PEBP4: variants seen among roughly 807,000 people sequenced by gnomAD.
PEBP4 encodes phosphatidylethanolamine-binding protein 4.
In PEBP4, 22 loss-of-function variants were observed where a neutral mutation model predicts 23.9. The observed-to-expected ratio is 0.92, with a 90% CI of 0.66 to 1.31. The LOEUF (loss-of-function observed/expected upper bound fraction) is 1.31, where lower values mean the gene tolerates loss of function less well. Ranked by LOEUF, PEBP4 falls within the 40% of genes most tolerant of loss-of-function variation. PEBP4 has a pLI of 0.00. For synonymous variants in PEBP4, 112 were observed against 99.3 expected (o/e 1.13, Z -0.76); for missense variants, 324 against 281.7 (o/e 1.15, Z -1.07).
chr8:22,891,275 G>C (rs1462404032), intron 3 of PEBP4, among the ~76,000 whole-genome samples: 5 of 152,242 alleles, frequency 3.3e-5, no homozygotes, highest in African/African-American at 1.2e-4. Flanking sequence ...TGGCAGTCAA[G>C]GCAAAGCCAG....
intron 1 of PEBP4, 34 bp downstream of exon 1, chr8:22,927,789 C>A: frequency 6.3e-7 from 1 of 1,590,114 alleles, no homozygotes; most frequent in Admixed American, 1.8e-5. Context: ...ACCTGTGCCC[C>A]CGACCCCAGG....
intron 6 of PEBP4, among the ~76,000 whole-genome samples, chr8:22,716,300 T>G (rs1367924672): frequency 6.6e-6 from 1 of 152,198 alleles, no homozygotes; most frequent in Non-Finnish European, 1.5e-5. Flanking sequence ...CCTGGCACTC[T>G]CACTTACTGG....
At chr8:22,754,330 C>T (rs1377498250) in intron 4 of PEBP4, among the ~76,000 whole-genome samples, 2 of 152,200 alleles carry the variant, frequency 1.3e-5, no homozygotes, top group Non-Finnish European at 2.9e-5. Context: ...GATCAGAGAC[C>T]TTGTCTCTGT....
intron 3 of PEBP4, among the ~76,000 whole-genome samples, chr8:22,831,559 G>C (rs572163225): frequency 1.3e-5 from 2 of 152,326 alleles, no homozygotes; most frequent in South Asian, 4.1e-4. Flanking sequence ...AGAGATGAGA[G>C]AGGCATGCCT....
chr8:22,841,366 A>G (rs188201455), intron 3 of PEBP4, among the ~76,000 whole-genome samples: 1 of 152,268 alleles, frequency 6.6e-6, no homozygotes, highest in East Asian at 1.9e-4. Context: ...AGGAAATTGT[A>G]TTTAGTTTTT....
chr8:22,766,755 C>T (rs1805621869), intron 4 of PEBP4, among the ~76,000 whole-genome samples: 1 of 152,320 alleles, frequency 6.6e-6, no homozygotes, highest in Non-Finnish European at 1.5e-5. Context: ...TTACTGCATG[C>T]CCTGGTGTCA....
chr8:22,838,602 C>A (rs772672843), intron 3 of PEBP4, among the ~76,000 whole-genome samples: 1 of 152,256 alleles, frequency 6.6e-6, no homozygotes, highest in Non-Finnish European at 1.5e-5. Context: ...TGGCTCCTGG[C>A]TAGGGCCGGC....
chr8:22,718,449 C>T (rs1021066649), intron 6 of PEBP4, among the ~76,000 whole-genome samples: 2 of 152,242 alleles, frequency 1.3e-5, no homozygotes, highest in Non-Finnish European at 2.9e-5. Context: ...ATGTGTTCAA[C>T]ATTGCTTGGG....
At chr8:22,869,360 C>T (rs140195027) in intron 3 of PEBP4, among the ~76,000 whole-genome samples, 15 of 152,248 alleles carry the variant, frequency 9.9e-5, no homozygotes, top group Non-Finnish European at 1.5e-4. Context: ...GTATGTCTCC[C>T]CTACCAGAAA....
At chr8:22,920,070 A>G in intron 3 of PEBP4, 114 bp downstream of exon 3, 2 of 1,336,726 alleles carry the variant, frequency 1.5e-6, no homozygotes, top group South Asian at 3.0e-5. Flanking sequence ...TGCAGCCACC[A>G]GACCCAACCC....
intron 4 of PEBP4, among the ~76,000 whole-genome samples, chr8:22,795,181 T>A (rs565299548): frequency 0.016 from 1,465 of 94,256 alleles, 59 homozygotes; most frequent in African/African-American, 0.049. Context: ...TTTTTTTTTT[T>A]TTTTTTTTTT....
At chr8:22,869,322 ATATT>A (rs1807963726) in intron 3 of PEBP4, among the ~76,000 whole-genome samples, 1 of 152,002 alleles carries the variant, frequency 6.6e-6, no homozygotes. Flanking sequence ...TTCCCTATAT[ATATT>A]TATGTTTGTT....
intron 4 of PEBP4, among the ~76,000 whole-genome samples, chr8:22,756,431 G>A (rs1805383411): frequency 6.6e-6 from 1 of 152,184 alleles, no homozygotes; most frequent in Non-Finnish European, 1.5e-5. Flanking sequence ...GACTAATTCC[G>A]ACAGTCTCGG....
At chr8:22,804,210 A>T (rs1265904738) in intron 4 of PEBP4, among the ~76,000 whole-genome samples, 3 of 152,174 alleles carry the variant, frequency 2.0e-5, no homozygotes, top group Non-Finnish European at 4.4e-5. Flanking sequence ...ATGCACCTGT[A>T]GTCCTAGCTA....
At chr8:22,717,672 G>A (rs913845283) in intron 6 of PEBP4, among the ~76,000 whole-genome samples, 5 of 152,178 alleles carry the variant, frequency 3.3e-5, no homozygotes, top group East Asian at 1.9e-4. Flanking sequence ...TTCTGGCTCC[G>A]GCTCCGAACA....
chr8:22,937,709 T>G (rs1563267847), intron 1 of PEBP4, among the ~76,000 whole-genome samples: 1 of 152,128 alleles, frequency 6.6e-6, no homozygotes, highest in Admixed American at 6.5e-5. Context: ...ATCCAAATAG[T>G]TTGGTACTGG....
chr8:22,729,778 G>A (rs1198948452), intron 4 of PEBP4, among the ~76,000 whole-genome samples: 1 of 152,190 alleles, frequency 6.6e-6, no homozygotes, highest in Non-Finnish European at 1.5e-5. Flanking sequence ...CAGAAAGAAC[G>A]GGGGAGGACC....
intron 4 of PEBP4, among the ~76,000 whole-genome samples, chr8:22,737,515 C>T (rs1196901594): frequency 6.6e-6 from 1 of 152,054 alleles, no homozygotes; most frequent in African/African-American, 2.4e-5. Context: ...AAATTCCCCG[C>T]TAAGGTGCAG....
intron 3 of PEBP4, among the ~76,000 whole-genome samples, chr8:22,825,173 G>A (rs1806940457): frequency 6.6e-6 from 1 of 152,216 alleles, no homozygotes. Context: ...ATGTGGCAAA[G>A]GAGTGCTTGT....
Sources: allele counts gnomAD v4.1 joint callset (sites outside exome capture counted in the v4.1 genomes callset), GRCh38; gene constraint gnomAD v4.1.1; transcripts MANE v1.5; gene names NCBI Gene and HGNC (gene_info 2026-07-23, HGNC 2026-07-21).